The following PARVB variants were observed in gnomAD, a reference collection of about 807,000 sequenced individuals.
The protein encoded by PARVB is parvin beta, also known as beta-parvin.
In PARVB, 46 loss-of-function variants were observed where a neutral mutation model predicts 47.0. The ratio of observed to expected loss-of-function variants is 0.98; its 90% CI spans 0.77 to 1.25. The LOEUF is 1.25. PARVB is among the 50% of genes most tolerant of loss of function. The probability of loss-of-function intolerance (pLI) is 0.00; values close to 1 mark genes in which losing one functional copy is unlikely to be tolerated. For synonymous variants in PARVB, 196 were observed against 196.3 expected, an observed-to-expected ratio of 1.00 and a Z score of 0.01; for missense variants, 473 against 471.6, an observed-to-expected ratio of 1.00 and a Z score of -0.03.
intron 7 of PARVB, among the ~76,000 whole-genome samples, chr22:44,137,824 A>G (rs1413545731): frequency 1.3e-5 from 2 of 152,046 alleles, no homozygotes; most frequent in African/African-American, 2.4e-5. Context: ...CTTGTCTTGG[A>G]CATCCATACC....
At position 44,010,733 on chromosome 22, in the gene PARVB, T is replaced by C. The variant is rs1273594275; in HGVS notation, c.211+11060T>C. On this transcript the variant is annotated intron_variant, in intron 2 of 13. Coordinates refer to the PARVB transcript ENST00000406477. ...GCTCTCTGCTCCCGAATCTGCATAG[T>C]ATCTGATTTTGTATGGCCTGCGAGT... Among the ~76,000 whole-genome samples the C allele has an allele frequency of 2.6e-5, 4 of 152,082 alleles. No homozygotes were observed. The East Asian group carries it at 7.7e-4, about 29-fold the overall frequency.
intron 11 of PARVB, among the ~76,000 whole-genome samples, chr22:44,160,568 G>A (rs1432261732): frequency 6.6e-6 from 1 of 152,162 alleles, no homozygotes; most frequent in African/African-American, 2.4e-5. Flanking sequence ...GCCTCTCCGG[G>A]ATCCATGTGC....
At chr22:44,024,559 C>T (rs1040497649) in intron 1 of PARVB, 108 bp downstream of exon 1, 56 of 409,694 alleles carry the variant, frequency 1.4e-4, no homozygotes, top group Non-Finnish European at 1.7e-5. Context: ...CGCACCCCGC[C>T]CGGCCCACGC....
upstream of PARVB, among the ~76,000 whole-genome samples, chr22:44,023,532 CAAAACAAAATAAAATAAAAT>C (rs1356602959): frequency 3.3e-4 from 21 of 63,616 alleles, no homozygotes; most frequent in African/African-American, 1.2e-3. Context: ...TAAAATAAAA[CAAAACAAAATAAAATAAAAT>C]AAAATAAAAT....
chr22:44,035,716 G>A (rs2146904844), intron 1 of PARVB, among the ~76,000 whole-genome samples: 1 of 151,916 alleles, frequency 6.6e-6, no homozygotes, highest in African/African-American at 2.4e-5. Flanking sequence ...GTGGTGCTTT[G>A]TATGAGTCCC....
In PARVB at chr22:44,171,885, C is replaced by G. The variant is rs1451024348; in HGVS notation, c.*3207C>G. On this transcript the variant is annotated 3_prime_UTR_variant, in exon 13 of 13. Transcript: ENST00000338758. ...CAGGCTGGAGTGCAGTGGTCATTCA[C>G]AGACACACACATAGCAGACTACAGA... 1 of 147,314 alleles carries G rather than the reference C, an allele frequency of 6.8e-6. No homozygotes were observed. The highest frequency in any genetic ancestry group is 1.5e-5 in the Non-Finnish European group (1 of 67,648). The allele number at this position is 147,314 out of a possible 1,614,324, so 9.1% of individuals were successfully genotyped here.
intron 11 of PARVB, among the ~76,000 whole-genome samples, chr22:44,162,381 G>A (rs1472713303): frequency 6.7e-6 from 1 of 149,542 alleles, no homozygotes. Context: ...GAGTGCAGTG[G>A]CACAATCTCA....
chr22:44,050,387 A>G (rs956701996), intron 1 of PARVB, among the ~76,000 whole-genome samples: 1 of 148,562 alleles, frequency 6.7e-6, no homozygotes, highest in Admixed American at 6.7e-5. Flanking sequence ...CTTGTTGCCC[A>G]GGCTGGAGTG....
chr22:44,063,517 G>A (rs375688420), intron 1 of PARVB, among the ~76,000 whole-genome samples: 2 of 152,228 alleles, frequency 1.3e-5, no homozygotes, highest in South Asian at 2.1e-4. Flanking sequence ...GTGAGCCACC[G>A]CGCCTGGCCC....
intron 1 of PARVB, among the ~76,000 whole-genome samples, chr22:44,062,949 GT>G (rs1325054985): frequency 1.3e-5 from 2 of 152,196 alleles, no homozygotes; most frequent in African/African-American, 4.8e-5. Context: ...GGAGGGTGGG[GT>G]TGGGGGGTGT....
intron 8 of PARVB, chr22:44,147,050 T>TC (rs1365571826): frequency 7.0e-5 from 11 of 157,556 alleles, no homozygotes; most frequent in South Asian, 5.8e-4. Flanking sequence ...CCTATGGAAC[T>TC]CCCCCCTCCA....
chr22:44,161,632 A>G (rs2054055345), intron 11 of PARVB, among the ~76,000 whole-genome samples: 1 of 152,118 alleles, frequency 6.6e-6, no homozygotes, highest in Non-Finnish European at 1.5e-5. Context: ...TTTTTAGGGC[A>G]CCGATGTCCT....
intron 2 of PARVB, among the ~76,000 whole-genome samples, chr22:44,006,204 G>A (rs2050462860): frequency 6.6e-6 from 1 of 152,156 alleles, no homozygotes; most frequent in Admixed American, 6.5e-5. Context: ...CTCAGCCTCA[G>A]CCTCCCAACC....
chr22:44,102,587 C>T (rs542387064), intron 3 of PARVB, among the ~76,000 whole-genome samples: 47 of 152,178 alleles, frequency 3.1e-4, no homozygotes, highest in African/African-American at 6.3e-4. Flanking sequence ...CCTGAAATCC[C>T]AGCGCCCTGG....
At chr22:44,136,337 C>A in intron 6 of PARVB, 123 bp from the exon 7 acceptor site, 1 of 852,096 alleles carries the variant, frequency 1.2e-6, no homozygotes, top group Non-Finnish European at 2.0e-6. Context: ...CAACACCACC[C>A]CTCCTTCTCC....
chr22:44,136,281 C>T (rs573925842), intron 6 of PARVB, among the ~76,000 whole-genome samples, 179 bp from the exon 7 acceptor site: 2 of 152,128 alleles, frequency 1.3e-5, no homozygotes, highest in Non-Finnish European at 2.9e-5. Flanking sequence ...AGGCACCCTG[C>T]CCAGGGTCCC....
rs11912932 is a variant in PARVB, at chr22:44,043,392, A to C, written c.112+18941A>C. Among the ~76,000 whole-genome samples, 110 of 152,014 alleles carry C rather than the reference A, an allele frequency of 7.2e-4. 1 individual carries two copies. Among genetic ancestry groups the C allele is most frequent in the African/African-American group, 2.5e-3 (105 of 41,500 alleles). On this transcript the variant is annotated intron_variant, in intron 1 of 12. Transcript: ENST00000338758. ...CACTTATTTATTTATTTATTTATTT[A>C]TTTTGAGACGGAGTCTTGCTCTGTC...
At chr22:44,052,647 A>G (rs538972309) in intron 1 of PARVB, among the ~76,000 whole-genome samples, 2 of 152,296 alleles carry the variant, frequency 1.3e-5, no homozygotes, top group Non-Finnish European at 2.9e-5. Context: ...CTGAAGCTAC[A>G]AAAGTAGGTG....
rs75771103 is a variant in PARVB at position 44,125,726 on chromosome 22, A to G, written c.377-5761A>G. ...TAGACAACAGTCTATTCCAAGTGACAGGAAGCCATTGGAGGTTTTGGGTAG... is the reference window on the plus strand; with the variant it reads ...TAGACAACAGTCTATTCCAAGTGACGGGAAGCCATTGGAGGTTTTGGGTAG... On this transcript the variant is annotated intron_variant, in intron 4 of 12. Coordinates refer to ENST00000338758, the MANE Select transcript of PARVB (RefSeq NM_013327.5). This position sits in a 1 kb window ranked among gnomAD's most constrained non-coding sequence, Gnocchi z 4.1. 2.0e-3 allele frequency among the ~76,000 whole-genome samples: 308 copies of G among 152,330 alleles called. 4 individuals carry two copies. The highest frequency in any genetic ancestry group is 7.1e-3 in the African/African-American group (294 of 41,578).
Sources: gnomAD v4.1 joint callset for allele counts (sites outside exome capture counted in the v4.1 genomes callset) on GRCh38, gnomAD v4.1.1 for gene constraint, Gnocchi (gnomAD v3.1) non-coding constraint, MANE v1.5 for transcripts, NCBI Gene and HGNC (gene_info 2026-07-23, HGNC 2026-07-21) for gene names.